NEK5: variants seen among roughly 807,000 people sequenced by gnomAD.
NEK5 encodes the protein NIMA related kinase 5.
NEK5 carries 88 observed loss-of-function variants against 109.2 expected under a neutral mutation model. That is an observed-to-expected ratio of 0.81 (90% CI 0.68 to 0.96). The LOEUF (loss-of-function observed/expected upper bound fraction) is 0.96, where lower values mean the gene tolerates loss of function less well. Among genes scored for constraint, NEK5 ranks in the 40% least tolerant of loss-of-function variants. The pLI, the probability that NEK5 is intolerant of heterozygous loss-of-function variation, is 0.00. For missense variants in NEK5, 834 were observed against 920.7 expected (o/e 0.91, Z 1.22); for synonymous variants, 283 against 299.9 (o/e 0.94, Z 0.58).
At chr13:52,062,409 CTCT>C (rs1396291183) in intron 21 of NEK5, among the ~76,000 whole-genome samples, 2 of 151,764 alleles carry the variant, frequency 1.3e-5, no homozygotes, top group Admixed American at 6.6e-5. Flanking sequence ...TGCTATGGCC[CTCT>C]TCTTTTTTTT....
intron 12 of NEK5, among the ~76,000 whole-genome samples, chr13:52,099,117 A>G (rs533149430): frequency 6.6e-6 from 1 of 152,320 alleles, no homozygotes; most frequent in South Asian, 2.1e-4. Flanking sequence ...CAAACACCCT[A>G]TTCTCCATGA....
At chr13:52,073,491 A>G (rs1303090074) in intron 19 of NEK5, among the ~76,000 whole-genome samples, 2 of 151,788 alleles carry the variant, frequency 1.3e-5, no homozygotes, top group Non-Finnish European at 2.9e-5. Flanking sequence ...AATTTTTTGT[A>G]TTTTTAGTAG....
Position 52,060,501 on chromosome 13 carries a change from C to G in NEK5, c.2110+1318G>C, listed in dbSNP as rs1178932171. On this transcript the variant is annotated intron_variant, in intron 22 of 23. Transcript: ENST00000684899. ...TCCCAAGTAGCTGGGATTACAGGCG[C>G]CTGCCACCATGCCCACCTAATTTTT... Among the ~76,000 whole-genome samples, 2 of 152,012 alleles carry G rather than the reference C, an allele frequency of 1.3e-5. 1 individual carries two copies. Among genetic ancestry groups the G allele is most frequent in the Admixed American group, 1.3e-4 (2 of 15,246 alleles).
At chr13:52,066,853 T>C (rs1593930879) in intron 20 of NEK5, among the ~76,000 whole-genome samples, 1 of 152,086 alleles carries the variant, frequency 6.6e-6, no homozygotes, top group South Asian at 2.1e-4. Context: ...TTCTAATGTA[T>C]AACTTTTTAC....
At chr13:52,107,723 G>C (rs1000654388) in intron 8 of NEK5, among the ~76,000 whole-genome samples, 2 of 151,944 alleles carry the variant, frequency 1.3e-5, no homozygotes, top group Non-Finnish European at 2.9e-5. Flanking sequence ...TCTTAACAAG[G>C]AGCCTTTTAA....
intron 4 of NEK5, among the ~76,000 whole-genome samples, chr13:52,115,718 T>C (rs1350754401): frequency 6.6e-6 from 1 of 151,948 alleles, no homozygotes; most frequent in Non-Finnish European, 1.5e-5. Flanking sequence ...ATTGGAAGTG[T>C]CTGGAAAAAT....
intron 13 of NEK5, among the ~76,000 whole-genome samples, chr13:52,089,823 T>C (rs928937247): frequency 1.1e-4 from 16 of 151,568 alleles, no homozygotes; most frequent in Non-Finnish European, 2.9e-5. Flanking sequence ...CCGTCTCTGC[T>C]AAAAAAAATT....
intron 22 of NEK5, among the ~76,000 whole-genome samples, chr13:52,059,669 T>C (rs1002584064): frequency 2.6e-5 from 4 of 151,946 alleles, no homozygotes; most frequent in African/African-American, 4.8e-5. Context: ...ATGGATGAAA[T>C]TGGAAATCAT....
intron 3 of NEK5, among the ~76,000 whole-genome samples, chr13:52,124,560 TCTAA>T (rs1012860983): frequency 1.3e-5 from 2 of 152,354 alleles, no homozygotes; most frequent in Middle Eastern, 3.4e-3. Flanking sequence ...ACATTTGTTT[TCTAA>T]CTGTTTATCT....
At chr13:52,046,730 CA>C (rs879296545) in intron 23 of NEK5, among the ~76,000 whole-genome samples, 1,975 of 127,794 alleles carry the variant, frequency 0.015, 35 homozygotes, top group African/African-American at 0.05. Flanking sequence ...CACCCTGTCT[CA>C]AAAAAAAAAA....
Position 52,075,796 on chromosome 13 carries a change from T to A in NEK5, c.1684A>T (p.Lys562Ter), listed in dbSNP as rs578049542. 1.0e-5 allele frequency: 16 copies of A among 1,575,924 alleles called. No individual in the cohort carries two copies. In the African/African-American group the frequency reaches 1.8e-4, roughly 17 times the overall value. The change falls in exon 19 of 24, where the codon AAA becomes TAA. Residue 562 changes from lysine (K) to a stop codon, truncating the protein, a stop_gained. Coordinates refer to ENST00000684899, the MANE Select transcript of NEK5 (RefSeq NM_001365552.1). LOFTEE classifies it high-confidence loss of function. Reference sequence around the variant, plus strand: ...AGGATGTTTTCATCAGAAATACATTTGTCTAAATTAATTTCAAATTTTACC... The same window carrying A: ...AGGATGTTTTCATCAGAAATACATTAGTCTAAATTAATTTCAAATTTTACC... ...KGVKFEINLD[K>*]CISDENILQE... is the part of the protein sequence containing the mutation.
intron 13 of NEK5, among the ~76,000 whole-genome samples, chr13:52,091,202 T>A (rs1478902349): frequency 6.6e-6 from 1 of 152,082 alleles, no homozygotes; most frequent in African/African-American, 2.4e-5. Context: ...AGATATAAAA[T>A]CACATGTGGT....
intron 13 of NEK5, among the ~76,000 whole-genome samples, chr13:52,090,963 T>G (rs974809314): frequency 6.6e-6 from 1 of 151,992 alleles, no homozygotes; most frequent in Non-Finnish European, 1.5e-5. Context: ...GGGGCGGAGC[T>G]TGCAGTGAGC....
At chr13:52,044,390 A>G (rs143885881) in intron 23 of NEK5, among the ~76,000 whole-genome samples, 1 of 152,246 alleles carries the variant, frequency 6.6e-6, no homozygotes, top group Non-Finnish European at 1.5e-5. Context: ...TTAGGTTCAC[A>G]TACAGAATAT....
rs9596623 is a variant in NEK5, at chr13:52,034,882, T to G, written c.*2066A>C. The G allele has an allele frequency of 6.7e-4, 28 of 41,946 alleles. No homozygotes were observed. The highest frequency in any genetic ancestry group is 1.4e-3 in the African/African-American group (27 of 19,188). The allele number at this position is 41,946 out of a possible 1,614,324, so 2.6% of individuals were successfully genotyped here. On this transcript the variant is annotated 3_prime_UTR_variant, in exon 24 of 24. Coordinates refer to ENST00000684899, the MANE Select transcript of NEK5 (RefSeq NM_001365552.1). Reference sequence around the variant, plus strand: ...CCATCCTTAAACATTCTTTTTTTTCTTTTTTTTTTTTTTTTTTGCCCTTAA... The same window carrying G: ...CCATCCTTAAACATTCTTTTTTTTCGTTTTTTTTTTTTTTTTTGCCCTTAA...
intron 9 of NEK5, 47 bp from the exon 10 acceptor site, chr13:52,102,339 A>G: frequency 7.2e-7 from 1 of 1,390,368 alleles, no homozygotes; most frequent in Non-Finnish European, 1.0e-6. Context: ...AAAGTTACTA[A>G]AGTAACAAAT....
chr13:52,088,391 A>G (rs999844614), intron 14 of NEK5, among the ~76,000 whole-genome samples: 1 of 151,888 alleles, frequency 6.6e-6, no homozygotes, highest in African/African-American at 2.4e-5. Flanking sequence ...AGTAGCTGGG[A>G]TTACAGGTGT....
chr13:52,077,640 G>T (rs1954892602), intron 17 of NEK5, among the ~76,000 whole-genome samples: 1 of 152,188 alleles, frequency 6.6e-6, no homozygotes, highest in Non-Finnish European at 1.5e-5. Context: ...ATGTCAAGGG[G>T]AGTGTAACAC....
Position 52,036,851 on chromosome 13 carries a change from A to T in NEK5, c.*97T>A, listed in dbSNP as rs1954365048. ...AAATTAATAAATCCTTGAGATTACT[A>T]GAAAACCCTTACAGTAAATGAGCAT... On this transcript the variant is annotated 3_prime_UTR_variant, in exon 24 of 24. Coordinates refer to ENST00000684899, the MANE Select transcript of NEK5 (RefSeq NM_001365552.1). 4.1e-6 allele frequency: 2 copies of T among 488,818 alleles called. No individual in the cohort carries two copies. The highest frequency in any genetic ancestry group is 1.8e-4 in the South Asian group (2 of 11,314). 30.3% of individuals were successfully genotyped at this position (488,818 alleles called of 1,614,324 possible).
Sources: gnomAD v4.1 joint callset for allele counts (sites outside exome capture counted in the v4.1 genomes callset) on GRCh38, gnomAD v4.1.1 for gene constraint, MANE v1.5 for transcripts, NCBI Gene and HGNC (gene_info 2026-07-23, HGNC 2026-07-21) for gene names.